ADAMTS16: variants seen among roughly 807,000 people sequenced by gnomAD.
The protein encoded by ADAMTS16 is A disintegrin and metalloproteinase with thrombospondin motifs 16.
In ADAMTS16, 94 loss-of-function variants were observed where a neutral mutation model predicts 145.8. The observed-to-expected ratio is 0.64, with a 90% confidence interval of 0.55 to 0.77. The LOEUF is 0.77. Ranked by LOEUF, ADAMTS16 falls within the 30% of genes least tolerant of loss-of-function variation. The pLI, the probability that ADAMTS16 is intolerant of heterozygous loss-of-function variation, is 0.00. For synonymous variants in ADAMTS16, 659 were observed against 604.3 expected (o/e 1.09, Z -1.33); for missense variants, 1,585 against 1,591.5 (o/e 1.00, Z 0.07).
intron 18 of ADAMTS16, among the ~76,000 whole-genome samples, chr5:5,282,966 T>A (rs1257258472): frequency 6.6e-6 from 1 of 151,936 alleles, no homozygotes; most frequent in Non-Finnish European, 1.5e-5. Context: ...TTATATTTTA[T>A]TTAGTATTAT....
At chr5:5,311,313 A>C (rs866290840) in intron 21 of ADAMTS16, among the ~76,000 whole-genome samples, 2,923 of 99,172 alleles carry the variant, frequency 0.029, 58 homozygotes, top group Middle Eastern at 0.049. Context: ...AAAAAAAAAA[A>C]AAAACAAAAA....
intron 3 of ADAMTS16, among the ~76,000 whole-genome samples, chr5:5,165,964 C>T (rs34631093): frequency 0.074 from 11,201 of 152,226 alleles, 570 homozygotes; most frequent in African/African-American, 0.14. Context: ...GCGACTCCCT[C>T]GCACTGTCCT....
intron 18 of ADAMTS16, among the ~76,000 whole-genome samples, chr5:5,264,113 C>T (rs529088964): frequency 3.4e-4 from 51 of 152,234 alleles, no homozygotes; most frequent in African/African-American, 1.2e-3. Flanking sequence ...CCGGCCAGGC[C>T]ATATGTACTA....
chr5:5,144,448 A>G (rs1416249127), intron 2 of ADAMTS16, among the ~76,000 whole-genome samples: 2 of 152,184 alleles, frequency 1.3e-5, no homozygotes, highest in East Asian at 3.8e-4. Flanking sequence ...GCTTTAAGGT[A>G]TTCCTTTCTA....
intron 15 of ADAMTS16, 33 bp from the exon 16 acceptor site, chr5:5,239,648 A>T (rs1287572764): frequency 6.2e-7 from 1 of 1,606,224 alleles, no homozygotes; most frequent in South Asian, 1.1e-5. Context: ...TTCTGGAATG[A>T]AAAGCTGTAT....
intron 18 of ADAMTS16, among the ~76,000 whole-genome samples, chr5:5,299,837 G>A (rs1201599603): frequency 6.6e-6 from 1 of 152,218 alleles, no homozygotes; most frequent in Non-Finnish European, 1.5e-5. Flanking sequence ...AAAACAAAGC[G>A]AGAACGCTTG....
chr5:5,210,117 G>A (rs1309222913), intron 10 of ADAMTS16, among the ~76,000 whole-genome samples: 3 of 152,182 alleles, frequency 2.0e-5, no homozygotes, highest in Non-Finnish European at 4.4e-5. Context: ...AACAAGATCT[G>A]TAAATCCGTC....
chr5:5,198,209 G>C (rs16875031), intron 8 of ADAMTS16, among the ~76,000 whole-genome samples: 19,211 of 152,070 alleles, frequency 0.13, 1,342 homozygotes, highest in Middle Eastern at 0.22. Context: ...AGGGTAGTTT[G>C]GTATTTCGTG....
rs1247565552 is a variant in ADAMTS16 at position 5,146,126 on chromosome 5, T to G, written c.176-4T>G. 6.2e-7 allele frequency: 1 copy of G among 1,609,046 alleles called. No individual in the cohort carries two copies. Among genetic ancestry groups the G allele is most frequent in the Non-Finnish European group, 8.5e-7 (1 of 1,175,696 alleles). ...TCAGCCTCTGCTCACTCTTTTGATTTCAGAATATGACCTGGTCTCTGCCTA... is the reference window on the plus strand; with the variant it reads ...TCAGCCTCTGCTCACTCTTTTGATTGCAGAATATGACCTGGTCTCTGCCTA... On this transcript the variant is annotated splice_polypyrimidine_tract_variant and splice_region_variant and intron_variant, in intron 2 of 22. Transcript: ENST00000274181.
chr5:5,148,569 A>T (rs1316787651), intron 3 of ADAMTS16, among the ~76,000 whole-genome samples: 4 of 152,190 alleles, frequency 2.6e-5, no homozygotes, highest in Non-Finnish European at 2.9e-5. Flanking sequence ...CCTGGTTCTG[A>T]GATTCTGCAT....
chr5:5,280,039 T>G (rs1178234320), intron 18 of ADAMTS16, among the ~76,000 whole-genome samples: 1 of 152,098 alleles, frequency 6.6e-6, no homozygotes, highest in African/African-American at 2.4e-5. Flanking sequence ...GTAAAGTATT[T>G]TTATCTGTAG....
intron 20 of ADAMTS16, among the ~76,000 whole-genome samples, chr5:5,304,018 C>T (rs142162896): frequency 2.0e-5 from 3 of 152,212 alleles, no homozygotes; most frequent in African/African-American, 2.4e-5. Flanking sequence ...GAGCAGAGGA[C>T]GAGAGGGTTG....
At chr5:5,256,488 A>G (rs895541133) in intron 17 of ADAMTS16, among the ~76,000 whole-genome samples, 4 of 152,228 alleles carry the variant, frequency 2.6e-5, no homozygotes, top group Non-Finnish European at 5.9e-5. Flanking sequence ...AAATTATCAC[A>G]TGACTTACTA....
chr5:5,303,566 G>A lies in ADAMTS16; in HGVS notation c.2992-6G>A. On this transcript the variant is annotated splice_polypyrimidine_tract_variant and splice_region_variant and intron_variant, in intron 19 of 22. Coordinates refer to ENST00000274181, the MANE Select transcript of ADAMTS16 (RefSeq NM_139056.4). ...ACTGGGTGCTTATCCTGACTGTTCT[G>A]TGCAGTGCTCACACACCTGTGGGAA... The A allele has an allele frequency of 6.2e-7, 1 of 1,613,996 alleles. No homozygotes were observed. Among genetic ancestry groups the A allele is most frequent in the Non-Finnish European group, 8.5e-7 (1 of 1,179,956 alleles).
chr5:5,290,380 C>T (rs115397005), intron 18 of ADAMTS16, among the ~76,000 whole-genome samples: 2,815 of 152,256 alleles, frequency 0.018, 38 homozygotes, highest in Middle Eastern at 0.058. Flanking sequence ...CTAGGCCGGG[C>T]GTGGTGGCTC....
chr5:5,244,301 T>C (rs1275204302), intron 17 of ADAMTS16, among the ~76,000 whole-genome samples: 6 of 152,184 alleles, frequency 3.9e-5, no homozygotes, highest in African/African-American at 1.4e-4. Flanking sequence ...TCTCTTTCCT[T>C]CCCTAGTATC....
chr5:5,150,445 G>T (rs898756572), intron 3 of ADAMTS16, among the ~76,000 whole-genome samples: 1 of 152,222 alleles, frequency 6.6e-6, no homozygotes, highest in Non-Finnish European at 1.5e-5. Context: ...GGTGCACAAG[G>T]CTCAATACAG....
intron 21 of ADAMTS16, among the ~76,000 whole-genome samples, chr5:5,307,296 T>G (rs1380266853): frequency 6.6e-6 from 1 of 152,186 alleles, no homozygotes; most frequent in Non-Finnish European, 1.5e-5. Flanking sequence ...AGGCTGACAC[T>G]CGGTTCTCTG....
At chr5:5,237,298 G>A (rs913732019) in intron 14 of ADAMTS16, among the ~76,000 whole-genome samples, 199 bp downstream of exon 14, 20 of 152,328 alleles carry the variant, frequency 1.3e-4, no homozygotes, top group Non-Finnish European at 2.9e-5. Flanking sequence ...AGCATAAGGA[G>A]AGGGAGGGGC....
Sources: gnomAD v4.1 joint callset for allele counts (sites outside exome capture counted in the v4.1 genomes callset) on GRCh38, gnomAD v4.1.1 for gene constraint, MANE v1.5 for transcripts, NCBI Gene and HGNC (gene_info 2026-07-23, HGNC 2026-07-21) for gene names.